The following AFF2 variants were observed in gnomAD, a reference collection of about 807,000 sequenced individuals.
AFF2 encodes ALF transcription elongation factor 2, also known as AF4/FMR2 family member 2.
In AFF2, 14 loss-of-function variants were observed where a neutral mutation model predicts 76.9. The ratio of observed to expected loss-of-function variants is 0.18; its 90% CI spans 0.12 to 0.28. The LOEUF (loss-of-function observed/expected upper bound fraction) is 0.28, where lower values mean the gene tolerates loss of function less well. AFF2 is among the 10% of genes least tolerant of loss of function. The pLI is 1.00. For missense variants in AFF2, 868 were observed against 1,001.1 expected (o/e 0.87, Z 1.79); for synonymous variants, 398 against 366.7 (o/e 1.09, Z -0.98).
At chrX:148,713,881 T>G (rs2124532530) in intron 3 of AFF2, among the ~76,000 whole-genome samples, 1 of 111,933 alleles carries the variant, frequency 8.9e-6, no homozygotes, top group South Asian at 3.8e-4. Context: ...GTAAATGAGT[T>G]AATCTTAGTC....
chrX:148,705,917 T>A (rs782050817), intron 3 of AFF2, among the ~76,000 whole-genome samples: 5 of 111,491 alleles, frequency 4.5e-5, no homozygotes, highest in Non-Finnish European at 9.4e-5. Flanking sequence ...GACTGTGCAA[T>A]CCTGGGGCTC....
At chrX:148,937,923 A>T (rs2124313408) in intron 9 of AFF2, among the ~76,000 whole-genome samples, 1 of 112,771 alleles carries the variant, frequency 8.9e-6, no homozygotes, top group South Asian at 3.6e-4. Context: ...CTATGAAGAA[A>T]AAATTGCAAA....
intron 2 of AFF2, among the ~76,000 whole-genome samples, chrX:148,653,515 G>A (rs190714121): frequency 1.8e-5 from 2 of 111,402 alleles, no homozygotes; most frequent in African/African-American, 6.5e-5. Flanking sequence ...ATTATAAAGA[G>A]CTTGCACATA....
At chrX:148,826,725 C>A (rs1471069520) in intron 4 of AFF2, among the ~76,000 whole-genome samples, 3 of 111,634 alleles carry the variant, frequency 2.7e-5, no homozygotes, top group African/African-American at 9.8e-5. Flanking sequence ...ATATGGAATA[C>A]AGATGCTATT....
chrX:148,864,382 C>T (rs2070883378), intron 7 of AFF2, among the ~76,000 whole-genome samples: 1 of 112,068 alleles, frequency 8.9e-6, no homozygotes, highest in African/African-American at 3.2e-5. Flanking sequence ...ATATAGATAA[C>T]AGGCATTTCT....
At chrX:148,730,322 A>G (rs1014129806) in intron 3 of AFF2, among the ~76,000 whole-genome samples, 6 of 112,398 alleles carry the variant, frequency 5.3e-5, no homozygotes, top group Non-Finnish European at 1.1e-4. Flanking sequence ...TTCCTAGATG[A>G]TGAGTTTGCC....
At chrX:148,609,518 A>G (rs1557249219) in intron 1 of AFF2, among the ~76,000 whole-genome samples, 1 of 111,919 alleles carries the variant, frequency 8.9e-6, no homozygotes, top group East Asian at 2.8e-4. Flanking sequence ...CTGAATTAAA[A>G]GGGGTTCTCA....
At chrX:148,859,714 A>C (rs2070825738) in intron 7 of AFF2, among the ~76,000 whole-genome samples, 1 of 111,960 alleles carries the variant, frequency 8.9e-6, no homozygotes, top group Non-Finnish European at 1.9e-5. Context: ...TTAAAAATTA[A>C]AATATTTAAT....
intron 1 of AFF2, among the ~76,000 whole-genome samples, chrX:148,571,763 G>C (rs1212699926): frequency 9.0e-6 from 1 of 111,281 alleles, no homozygotes; most frequent in African/African-American, 3.3e-5. Context: ...AGGACAGATG[G>C]ACACCTGATA....
At chrX:148,562,555 G>C (rs1377033944) in intron 1 of AFF2, among the ~76,000 whole-genome samples, 1 of 111,849 alleles carries the variant, frequency 8.9e-6, no homozygotes, top group Non-Finnish European at 1.9e-5. Context: ...AAAACAATCT[G>C]TCTAACCATG....
chrX:148,566,966 A>G (rs1269846734), intron 1 of AFF2, among the ~76,000 whole-genome samples: 1 of 111,449 alleles, frequency 9.0e-6, no homozygotes, highest in African/African-American at 3.3e-5. Flanking sequence ...GAGTTCAGTG[A>G]TTATTTGTGT....
chrX:148,872,068 A>G (rs976135388), intron 7 of AFF2, among the ~76,000 whole-genome samples: 1 of 110,896 alleles, frequency 9.0e-6, no homozygotes, highest in Non-Finnish European at 1.9e-5. Flanking sequence ...TTGCCAGACC[A>G]GCTCTCCGTT....
At chrX:148,842,404 G>A (rs903758854) in intron 5 of AFF2, among the ~76,000 whole-genome samples, 1 of 112,503 alleles carries the variant, frequency 8.9e-6, no homozygotes, top group Non-Finnish European at 1.9e-5. Flanking sequence ...TCTATACTTC[G>A]ACAGACTTGC....
intron 2 of AFF2, among the ~76,000 whole-genome samples, chrX:148,658,170 G>A (rs782484542): frequency 1.3e-4 from 15 of 111,760 alleles, no homozygotes; most frequent in African/African-American, 2.0e-4. Flanking sequence ...TCCTCTGTGC[G>A]TAACCCTGCC....
chrX:148,977,910 T>C (rs1557290468), intron 16 of AFF2, 23 bp from the exon 17 acceptor site: 2 of 1,149,043 alleles, frequency 1.7e-6, no homozygotes, highest in East Asian at 6.0e-5. Flanking sequence ...GATTCCACTT[T>C]AGCTTTTCTT....
intron 1 of AFF2, among the ~76,000 whole-genome samples, chrX:148,510,321 A>ATC (rs2124193423): frequency 8.9e-6 from 1 of 111,912 alleles, no homozygotes; most frequent in African/African-American, 3.2e-5. Context: ...GATTTGTGTT[A>ATC]TCCGATTTCT....
chrX:148,635,554 C>T (rs2054022374), intron 1 of AFF2, among the ~76,000 whole-genome samples: 1 of 111,562 alleles, frequency 9.0e-6, no homozygotes, highest in Non-Finnish European at 1.9e-5. Context: ...AATACCTGTC[C>T]CTAGTAACTC....
intron 9 of AFF2, among the ~76,000 whole-genome samples, chrX:148,916,400 C>G (rs2071533083): frequency 9.3e-6 from 1 of 107,354 alleles, no homozygotes; most frequent in East Asian, 2.9e-4. Context: ...TTGGTAGAGA[C>G]GGGGTTTCAC....
chrX:148,809,817 C>G, intron 3 of AFF2, 59 bp from the exon 4 acceptor site: 1 of 1,123,187 alleles, frequency 8.9e-7, no homozygotes, highest in Non-Finnish European at 1.2e-6. Flanking sequence ...ACAGAGTAAA[C>G]TATTATACAA....
Sources: gnomAD v4.1 joint callset for allele counts (sites outside exome capture counted in the v4.1 genomes callset) on GRCh38, gnomAD v4.1.1 for gene constraint, MANE v1.5 for transcripts, NCBI Gene and HGNC (gene_info 2026-07-23, HGNC 2026-07-21) for gene names.